RSRC1: variants seen among roughly 807,000 people sequenced by gnomAD.
RSRC1 encodes the protein serine/Arginine-related protein 53.
RSRC1 carries 39 observed loss-of-function variants against 49.1 expected under a neutral mutation model. That is an observed-to-expected ratio of 0.79 (90% confidence interval 0.61 to 1.04). The LOEUF is 1.04. Among genes scored for constraint, RSRC1 ranks in the 50% least tolerant of loss-of-function variants. RSRC1 has a pLI of 0.00. For missense variants in RSRC1, 388 were observed against 402.4 expected (o/e 0.96, Z 0.31); for synonymous variants, 143 against 130.8 (o/e 1.09, Z -0.63).
chr3:158,398,959 T>G (rs73170379), intron 6 of RSRC1, among the ~76,000 whole-genome samples: 1 of 151,820 alleles, frequency 6.6e-6, no homozygotes, highest in African/African-American at 2.4e-5. Context: ...GCTACATATA[T>G]TTATCAATGT....
At chr3:158,540,032 G>A (rs1016598661) in intron 8 of RSRC1, among the ~76,000 whole-genome samples, 3 of 152,128 alleles carry the variant, frequency 2.0e-5, no homozygotes, top group South Asian at 2.1e-4. Flanking sequence ...GCTAAGATAC[G>A]CAGAATGATA....
intron 6 of RSRC1, among the ~76,000 whole-genome samples, chr3:158,422,423 G>A (rs1263401050): frequency 2.0e-5 from 3 of 151,658 alleles, no homozygotes; most frequent in Non-Finnish European, 2.9e-5. Flanking sequence ...TTTTATGGCT[G>A]CATCGTATTC....
intron 6 of RSRC1, among the ~76,000 whole-genome samples, chr3:158,423,725 C>G (rs896336254): frequency 2.6e-5 from 4 of 152,076 alleles, no homozygotes; most frequent in African/African-American, 9.7e-5. Flanking sequence ...AATGTTCTTT[C>G]ATTTGTTGTA....
intron 6 of RSRC1, among the ~76,000 whole-genome samples, chr3:158,360,790 C>T (rs551265947): frequency 5.9e-5 from 9 of 152,300 alleles, no homozygotes; most frequent in Admixed American, 1.3e-4. Context: ...AAGGGCAAGG[C>T]GGAGGTCTTC....
At chr3:158,500,446 A>G (rs1739540269) in intron 7 of RSRC1, among the ~76,000 whole-genome samples, 1 of 152,132 alleles carries the variant, frequency 6.6e-6, no homozygotes, top group South Asian at 2.1e-4. Flanking sequence ...GATTGGTACC[A>G]ATTCTTTGAA....
chr3:158,428,022 T>TAG (rs1735558879), intron 6 of RSRC1, among the ~76,000 whole-genome samples: 1 of 151,834 alleles, frequency 6.6e-6, no homozygotes, highest in African/African-American at 2.4e-5. Flanking sequence ...TATATTTCTG[T>TAG]CTATGAAACC....
At chr3:158,195,897 G>A (rs1720574420) in intron 3 of RSRC1, among the ~76,000 whole-genome samples, 2 of 152,094 alleles carry the variant, frequency 1.3e-5, no homozygotes, top group South Asian at 4.2e-4. Flanking sequence ...TCTGGTTACT[G>A]TAGCCTTGTA....
At chr3:158,421,708 TA>T (rs1300129697) in intron 6 of RSRC1, among the ~76,000 whole-genome samples, 1 of 151,786 alleles carries the variant, frequency 6.6e-6, no homozygotes, top group Non-Finnish European at 1.5e-5. Flanking sequence ...ATTCAAGGCA[TA>T]AAAGAAGAAA....
At chr3:158,451,792 C>T (rs1334583301) in intron 6 of RSRC1, among the ~76,000 whole-genome samples, 1 of 151,958 alleles carries the variant, frequency 6.6e-6, no homozygotes, top group Non-Finnish European at 1.5e-5. Context: ...TTAAATAGAA[C>T]CACTAATCAC....
intron 4 of RSRC1, among the ~76,000 whole-genome samples, chr3:158,204,868 A>G (rs999922044): frequency 7.2e-5 from 11 of 152,152 alleles, no homozygotes; most frequent in African/African-American, 2.7e-4. Context: ...TTTATATTAT[A>G]TAAAACATTA....
chr3:158,411,668 C>T (rs1228757567), intron 6 of RSRC1, among the ~76,000 whole-genome samples: 2 of 152,124 alleles, frequency 1.3e-5, no homozygotes, highest in African/African-American at 4.8e-5. Context: ...CAGGCACACA[C>T]TACCACACCT....
chr3:158,401,570 A>G (rs1204727256), intron 6 of RSRC1, among the ~76,000 whole-genome samples: 1 of 152,004 alleles, frequency 6.6e-6, no homozygotes, highest in African/African-American at 2.4e-5. Flanking sequence ...TTATATAGCC[A>G]CTTCAAGATC....
chr3:158,161,701 A>G (rs1025557891), intron 3 of RSRC1, among the ~76,000 whole-genome samples: 4 of 152,134 alleles, frequency 2.6e-5, no homozygotes, highest in African/African-American at 9.7e-5. Flanking sequence ...GGCAGAGGTT[A>G]TGGTGAACTG....
intron 6 of RSRC1, among the ~76,000 whole-genome samples, chr3:158,436,962 A>G (rs1736072935): frequency 5.9e-5 from 9 of 152,024 alleles, no homozygotes; most frequent in Admixed American, 5.3e-4. Flanking sequence ...CCAGGATTCA[A>G]ACCGAGACAG....
rs528972436 is a variant in RSRC1 at position 158,353,298 on chromosome 3, C to G, written c.532-1559C>G. Among the ~76,000 whole-genome samples the G allele has an allele frequency of 3.9e-5, 6 of 152,248 alleles. No individual in the cohort carries two copies. In the South Asian group the frequency reaches 1.2e-3, roughly 32 times the overall value. The stretch of plus-strand genomic sequence containing the variant: ...TCAAAGTGCAGATCTGATCACATCT[C>G]CCCTTTGTTTAAAATTTTTCTAAGT... On this transcript the variant is annotated intron_variant, in intron 5 of 9. Coordinates refer to ENST00000611884, the MANE Select transcript of RSRC1 (RefSeq NM_001271838.2).
intron 3 of RSRC1, among the ~76,000 whole-genome samples, chr3:158,185,772 C>G (rs1719893280): frequency 6.6e-6 from 1 of 151,816 alleles, no homozygotes; most frequent in Non-Finnish European, 1.5e-5. Context: ...AAAAGTTTAA[C>G]TTAAGGATAA....
chr3:158,119,919 C>T (rs1316155355), intron 1 of RSRC1, among the ~76,000 whole-genome samples: 1 of 151,084 alleles, frequency 6.6e-6, no homozygotes, highest in Admixed American at 6.6e-5. Flanking sequence ...CAACCTCCGC[C>T]TCCCAGGTTC....
chr3:158,388,177 CATT>C (rs1424958242), intron 6 of RSRC1, among the ~76,000 whole-genome samples: 1 of 151,452 alleles, frequency 6.6e-6, no homozygotes, highest in Non-Finnish European at 1.5e-5. Context: ...TTTTATCAAA[CATT>C]AATATTATAT....
intron 5 of RSRC1, among the ~76,000 whole-genome samples, chr3:158,298,550 A>G (rs1007397444): frequency 5.9e-5 from 9 of 152,142 alleles, no homozygotes; most frequent in Admixed American, 5.9e-4. Flanking sequence ...ATTCAGATTT[A>G]GAATATAAAA....
Sources: allele counts gnomAD v4.1 joint callset (sites outside exome capture counted in the v4.1 genomes callset), GRCh38; gene constraint gnomAD v4.1.1; transcripts MANE v1.5; gene names NCBI Gene and HGNC (gene_info 2026-07-23, HGNC 2026-07-21).